The following GRIK4 variants were observed in gnomAD, a reference collection of about 807,000 sequenced individuals.
GRIK4 encodes glutamate ionotropic receptor kainate type subunit 4, also known as glutamate receptor ionotropic, kainate 4.
Under a neutral mutation model 104.9 loss-of-function variants are expected in GRIK4, and 40 were observed. The observed-to-expected ratio is 0.38, with a 90% CI of 0.30 to 0.50. GRIK4 has a LOEUF of 0.50. GRIK4 is among the 20% of genes least tolerant of loss of function. GRIK4 has a pLI of 0.93. For synonymous variants in GRIK4, 485 were observed against 524.9 expected, an observed-to-expected ratio of 0.92 and a Z score of 1.04; for missense variants, 1,047 against 1,308.1, an observed-to-expected ratio of 0.80 and a Z score of 3.08.
At chr11:120,566,526 A>G (rs1948325708) in intron 1 of GRIK4, among the ~76,000 whole-genome samples, 1 of 152,200 alleles carries the variant, frequency 6.6e-6, no homozygotes, top group Non-Finnish European at 1.5e-5. Flanking sequence ...GGTGCTGAGC[A>G]TATGTGGCAC....
chr11:120,935,613 A>G (rs1943579197), intron 13 of GRIK4, among the ~76,000 whole-genome samples: 1 of 152,236 alleles, frequency 6.6e-6, no homozygotes, highest in South Asian at 2.1e-4. Context: ...CAGAATGTCA[A>G]CCAAACAGCT....
At position 120,888,195 on chromosome 11, in the gene GRIK4, G is replaced by A. The variant is rs116187710; in HGVS notation, c.1165-10337G>A. ...GCCAATGGATAAAGGATAAGGATTC[G>A]AATGTTTACTAAATGTTTAACTGTA... On this transcript the variant is annotated intron_variant, in intron 11 of 20. Coordinates refer to ENST00000527524, the MANE Select transcript of GRIK4 (RefSeq NM_014619.5). 2.0e-3 allele frequency among the ~76,000 whole-genome samples: 302 copies of A among 152,224 alleles called. 2 individuals carry two copies. The highest frequency in any genetic ancestry group is 7.0e-3 in the African/African-American group (290 of 41,536).
intron 11 of GRIK4, among the ~76,000 whole-genome samples, chr11:120,882,199 G>C (rs536926191): frequency 4.6e-5 from 7 of 152,248 alleles, no homozygotes; most frequent in Admixed American, 3.9e-4. Flanking sequence ...CCCCTCCTGT[G>C]CTAAGGAGAA....
chr11:120,632,473 G>A (rs898610043), intron 1 of GRIK4, among the ~76,000 whole-genome samples: 2 of 151,956 alleles, frequency 1.3e-5, no homozygotes, highest in African/African-American at 4.8e-5. Context: ...TCCTTGTCCT[G>A]TATTGTCAGG....
At chr11:120,854,236 G>T (rs1014701973) in intron 8 of GRIK4, among the ~76,000 whole-genome samples, 5 of 152,240 alleles carry the variant, frequency 3.3e-5, no homozygotes, top group Non-Finnish European at 7.3e-5. Flanking sequence ...CCAGGGCTGA[G>T]CATGGAGCAG....
chr11:120,588,782 A>T (rs1443804524), intron 1 of GRIK4, among the ~76,000 whole-genome samples: 1 of 152,170 alleles, frequency 6.6e-6, no homozygotes, highest in Non-Finnish European at 1.5e-5. Flanking sequence ...TCTACCCACC[A>T]GATGCCAGTA....
rs1329556118 is a variant in GRIK4 at position 120,953,270 on chromosome 11, GGA to G, written c.1700+308_1700+309del. Among the ~76,000 whole-genome samples the G allele has an allele frequency of 6.6e-6, 1 of 152,160 alleles. No homozygotes were observed. The highest frequency in any genetic ancestry group is 1.5e-5 in the Non-Finnish European group (1 of 68,036). On this transcript the variant is annotated intron_variant, in intron 15 of 20. Coordinates refer to ENST00000527524, the MANE Select transcript of GRIK4 (RefSeq NM_014619.5). The surrounding 1 kb of genome is among the most constrained non-coding windows in gnomAD (Gnocchi z 4.9). ...CCCACCTAAGCCCCTTGCTTGTGTA[GGA>G]GCCCTGGGAAGAGAGGAGGGGTGGG...
intron 13 of GRIK4, among the ~76,000 whole-genome samples, chr11:120,929,862 C>G (rs540302600): frequency 6.6e-6 from 1 of 152,244 alleles, no homozygotes; most frequent in Admixed American, 6.5e-5. Flanking sequence ...TGGAGGATGT[C>G]TGATCGCATC....
intron 18 of GRIK4, among the ~76,000 whole-genome samples, chr11:120,965,929 C>T (rs1014175898): frequency 6.6e-6 from 1 of 152,184 alleles, no homozygotes; most frequent in South Asian, 2.1e-4. Flanking sequence ...GGCATCTGTC[C>T]ACATCCAGCC....
At chr11:120,942,336 C>G (rs1943745182) in intron 14 of GRIK4, among the ~76,000 whole-genome samples, 1 of 152,208 alleles carries the variant, frequency 6.6e-6, no homozygotes, top group Non-Finnish European at 1.5e-5. Context: ...CAGCCAGCAC[C>G]ATTTCTGGAG....
At chr11:120,975,472 C>T (rs1402053327) in intron 19 of GRIK4, among the ~76,000 whole-genome samples, 1 of 152,142 alleles carries the variant, frequency 6.6e-6, no homozygotes, top group African/African-American at 2.4e-5. Flanking sequence ...TTTCCAGAAA[C>T]CATGATCAGA....
At chr11:120,863,338 C>T (rs1176015424) in intron 9 of GRIK4, among the ~76,000 whole-genome samples, 1 of 152,162 alleles carries the variant, frequency 6.6e-6, no homozygotes, top group East Asian at 1.9e-4. Context: ...AGTCACATAC[C>T]GTACAGGTTT....
rs1206287921 is a variant in GRIK4, at chr11:120,967,305, G to A, written c.2377G>A (p.Glu793Lys). The change falls in exon 19 of 21, where the codon GAA becomes AAA. Residue 793 changes from glutamate to lysine, a missense_variant. Physicochemically the swap from Glu to Lys is moderately conservative, Grantham distance 56 (BLOSUM62 1). Coordinates refer to ENST00000527524, the MANE Select transcript of GRIK4 (RefSeq NM_014619.5). This position sits in a 1 kb window ranked among gnomAD's most constrained non-coding sequence, Gnocchi z 4.2. ...WWEGGKCPKE[E>K]DHRAKGLGME... ...GGAAGGAGGGAAGTGCCCCAAGGAGGAAGATCACAGAGCTAAAGGTAAGGA... is the reference window on the plus strand; with the variant it reads ...GGAAGGAGGGAAGTGCCCCAAGGAGAAAGATCACAGAGCTAAAGGTAAGGA... 5 of 1,613,658 alleles carry A rather than the reference G, an allele frequency of 3.1e-6. No individual in the cohort carries two copies. Among genetic ancestry groups the A allele is most frequent in the Non-Finnish European group, 4.2e-6 (5 of 1,179,722 alleles).
chr11:120,550,825 G>A (rs1483543764), intron 1 of GRIK4, among the ~76,000 whole-genome samples: 8 of 152,150 alleles, frequency 5.3e-5, no homozygotes, highest in African/African-American at 1.9e-4. Flanking sequence ...TGGGAGGAGA[G>A]GAACGGAGGA....
intron 13 of GRIK4, among the ~76,000 whole-genome samples, chr11:120,913,544 A>G (rs759145442): frequency 2.2e-4 from 34 of 151,880 alleles, no homozygotes; most frequent in Non-Finnish European, 7.4e-5. Context: ...GTCCCCCTCT[A>G]GGTTCACAGT....
chr11:120,668,770 T>C lies in GRIK4; in HGVS notation c.82+8370T>C, dbSNP rs148538948. 2.7e-3 allele frequency among the ~76,000 whole-genome samples: 409 copies of C among 152,344 alleles called. 1 individual carries two copies. The highest frequency in any genetic ancestry group is 9.3e-3 in the African/African-American group (388 of 41,574). The stretch of plus-strand genomic sequence containing the variant: ...GCTCTGGAACCAGACTGCTCGGATA[T>C]GAATCTGAGCTCCACCCTTTACTAG... On this transcript the variant is annotated intron_variant, in intron 3 of 20. Coordinates refer to ENST00000527524, the MANE Select transcript of GRIK4 (RefSeq NM_014619.5).
intron 1 of GRIK4, among the ~76,000 whole-genome samples, chr11:120,579,755 A>G (rs193154073): frequency 1.3e-5 from 2 of 152,208 alleles, no homozygotes; most frequent in African/African-American, 4.8e-5. Context: ...GTTTTTATTA[A>G]GGTATGTTTT....
In GRIK4 at chr11:120,594,758, G is replaced by A. The variant is rs1213696444; in HGVS notation, c.-158-58927G>A. 3.3e-5 allele frequency among the ~76,000 whole-genome samples: 5 copies of A among 152,222 alleles called. 1 individual carries two copies. Among genetic ancestry groups the A allele is most frequent in the South Asian group, 2.1e-4 (1 of 4,816 alleles). On this transcript the variant is annotated intron_variant, in intron 1 of 20. Coordinates refer to ENST00000527524, the MANE Select transcript of GRIK4 (RefSeq NM_014619.5). Reference sequence around the variant, plus strand: ...CTGTGATTCACTGCAGTTGGGCCACGGTTAATCCAATTCACTCATAGCCGT... The same window carrying A: ...CTGTGATTCACTGCAGTTGGGCCACAGTTAATCCAATTCACTCATAGCCGT...
chr11:120,958,256 G>A (rs1456973139), intron 16 of GRIK4, among the ~76,000 whole-genome samples: 1 of 152,248 alleles, frequency 6.6e-6, no homozygotes, highest in Admixed American at 6.5e-5. Flanking sequence ...CCCTCCTCCA[G>A]GACCCAGCCA....
Sources: gnomAD v4.1 joint callset for allele counts (sites outside exome capture counted in the v4.1 genomes callset) on GRCh38, gnomAD v4.1.1 for gene constraint, Gnocchi (gnomAD v3.1) non-coding constraint, MANE v1.5 for transcripts, NCBI Gene and HGNC (gene_info 2026-07-23, HGNC 2026-07-21) for gene names.